Variants in SLMAP observed in about 807,000 individuals in gnomAD.
SLMAP encodes the protein sarcolemma associated protein.
In SLMAP, 44 loss-of-function variants were observed where a neutral mutation model predicts 128.8. That is an observed-to-expected ratio of 0.34 (90% CI 0.27 to 0.44). The LOEUF (loss-of-function observed/expected upper bound fraction) is 0.44. Among genes scored for constraint, SLMAP ranks in the 20% least tolerant of loss-of-function variants. SLMAP has a pLI of 1.00. For synonymous variants in SLMAP, 327 were observed against 348.8 expected, an observed-to-expected ratio of 0.94 and a Z score of 0.70; for missense variants, 787 against 985.3, an observed-to-expected ratio of 0.80 and a Z score of 2.69.
chr3:57,920,661 C>T (rs1424279802), intron 22 of SLMAP, among the ~76,000 whole-genome samples: 2 of 152,084 alleles, frequency 1.3e-5, no homozygotes, highest in African/African-American at 4.8e-5. Flanking sequence ...GTATACGTTA[C>T]CTATGGTATA....
intron 2 of SLMAP, among the ~76,000 whole-genome samples, chr3:57,772,715 A>G (rs923463341): frequency 6.6e-4 from 100 of 151,400 alleles, no homozygotes; most frequent in African/African-American, 2.3e-3. Context: ...ATCTCGGCTC[A>G]CCGCAACCTT....
chr3:57,881,048 G>T (rs1180028727), intron 14 of SLMAP, among the ~76,000 whole-genome samples: 1 of 152,030 alleles, frequency 6.6e-6, no homozygotes, highest in Non-Finnish European at 1.5e-5. Context: ...ACAAAAATTA[G>T]CCAGGCATGG....
intron 2 of SLMAP, among the ~76,000 whole-genome samples, chr3:57,820,462 G>A (rs2092396248): frequency 6.6e-6 from 1 of 152,134 alleles, no homozygotes; most frequent in Non-Finnish European, 1.5e-5. Flanking sequence ...GTTTTGGGGT[G>A]TGGGAAATAG....
chr3:57,775,150 G>T (rs2081580953), intron 2 of SLMAP, among the ~76,000 whole-genome samples: 1 of 128,916 alleles, frequency 7.8e-6, no homozygotes, highest in South Asian at 2.8e-4. Flanking sequence ...CGCCTCCTGG[G>T]TTCACGCCAT....
chr3:57,873,140 T>G (rs911950769), intron 14 of SLMAP, among the ~76,000 whole-genome samples: 11 of 152,236 alleles, frequency 7.2e-5, no homozygotes, highest in Non-Finnish European at 1.6e-4. Context: ...TACTATAATA[T>G]TAAGTATAAG....
At chr3:57,770,024 A>G (rs1294496534) in intron 2 of SLMAP, among the ~76,000 whole-genome samples, 2 of 152,214 alleles carry the variant, frequency 1.3e-5, no homozygotes, top group African/African-American at 2.4e-5. Context: ...ATGCAGGCAC[A>G]TACATAGAAG....
intron 21 of SLMAP, among the ~76,000 whole-genome samples, chr3:57,914,365 G>A (rs1231059941): frequency 6.6e-6 from 1 of 152,016 alleles, no homozygotes; most frequent in African/African-American, 2.4e-5. Flanking sequence ...CTGTAGTCTA[G>A]CCTGGGCAAC....
intron 4 of SLMAP, 58 bp downstream of exon 4, chr3:57,841,429 G>A (rs2093929745): frequency 3.1e-6 from 3 of 973,476 alleles, no homozygotes; most frequent in Non-Finnish European, 4.7e-6. Flanking sequence ...AAAGAATTTA[G>A]TAATAATATT....
chr3:57,924,675 C>T (rs1266701164), intron 23 of SLMAP, among the ~76,000 whole-genome samples: 2 of 152,016 alleles, frequency 1.3e-5, no homozygotes, highest in East Asian at 3.9e-4. Context: ...CTCTGCCTGT[C>T]TTTATATACC....
At chr3:57,815,160 C>T (rs1330225162) in intron 2 of SLMAP, among the ~76,000 whole-genome samples, 1 of 152,116 alleles carries the variant, frequency 6.6e-6, no homozygotes, top group Admixed American at 6.5e-5. Context: ...AACCTAGATC[C>T]CTCACATGCA....
At chr3:57,890,968 T>C (rs549360142) in intron 15 of SLMAP, 1 of 152,354 alleles carries the variant, frequency 6.6e-6, no homozygotes, top group South Asian at 2.1e-4. Context: ...ATTCTGAATT[T>C]TGTGCACGGC....
At chr3:57,814,665 A>G (rs2091588713) in intron 2 of SLMAP, among the ~76,000 whole-genome samples, 1 of 152,090 alleles carries the variant, frequency 6.6e-6, no homozygotes, top group Non-Finnish European at 1.5e-5. Context: ...CTGACTAGTA[A>G]TTTCCTCTTG....
At chr3:57,816,956 G>A (rs2091927441) in intron 2 of SLMAP, among the ~76,000 whole-genome samples, 2 of 152,176 alleles carry the variant, frequency 1.3e-5, no homozygotes, top group South Asian at 4.1e-4. Flanking sequence ...GTTAAGCAAG[G>A]GTGGAATGGA....
chr3:57,904,444 A>G lies in SLMAP; in HGVS notation c.1502-3440A>G, dbSNP rs2096476679. Among the ~76,000 whole-genome samples, 2 of 152,158 alleles carry G rather than the reference A, an allele frequency of 1.3e-5. 1 individual carries two copies. Among genetic ancestry groups the G allele is most frequent in the South Asian group, 4.1e-4 (2 of 4,820 alleles). ...TCTTGAAACAAAAGAAAACAAAACAAAGAATCAGTTGCAGACATGATAGCC... is the reference window on the plus strand; with the variant it reads ...TCTTGAAACAAAAGAAAACAAAACAGAGAATCAGTTGCAGACATGATAGCC... On this transcript the variant is annotated intron_variant, in intron 17 of 24. Coordinates refer to ENST00000671191, the MANE Select transcript of SLMAP (RefSeq NM_001377540.1).
intron 4 of SLMAP, among the ~76,000 whole-genome samples, chr3:57,846,750 G>A (rs1024347062): frequency 6.6e-6 from 1 of 151,652 alleles, no homozygotes; most frequent in Non-Finnish European, 1.5e-5. Context: ...GTAGAGACAG[G>A]GTTTCATCAT....
chr3:57,888,132 T>C (rs952278583), intron 14 of SLMAP, among the ~76,000 whole-genome samples: 1 of 152,116 alleles, frequency 6.6e-6, no homozygotes, highest in Non-Finnish European at 1.5e-5. Context: ...TATGATGTGA[T>C]AAATTACTTG....
chr3:57,840,487 G>C (rs755792003), intron 3 of SLMAP, among the ~76,000 whole-genome samples: 15 of 152,098 alleles, frequency 9.9e-5, no homozygotes, highest in Non-Finnish European at 1.9e-4. Flanking sequence ...GAAGAATAAA[G>C]AGAAATAAAA....
At chr3:57,823,300 A>C (rs1189645990) in intron 2 of SLMAP, among the ~76,000 whole-genome samples, 4 of 151,992 alleles carry the variant, frequency 2.6e-5, no homozygotes, top group Non-Finnish European at 5.9e-5. Context: ...TACATGTGCC[A>C]TGTTGGTGTG....
At chr3:57,772,754 C>T (rs1237309567) in intron 2 of SLMAP, among the ~76,000 whole-genome samples, 2 of 152,060 alleles carry the variant, frequency 1.3e-5, no homozygotes, top group African/African-American at 4.8e-5. Flanking sequence ...GATTCTCCTG[C>T]TTCAGCCTCC....
Sources: allele counts gnomAD v4.1 joint callset (sites outside exome capture counted in the v4.1 genomes callset), GRCh38; gene constraint gnomAD v4.1.1; transcripts MANE v1.5; gene names NCBI Gene and HGNC (gene_info 2026-07-23, HGNC 2026-07-21).